RBBP4: variants seen among roughly 807,000 people sequenced by gnomAD.
RBBP4 encodes RB binding protein 4, chromatin remodeling factor, also known as histone-binding protein RBBP4.
In RBBP4, 3 loss-of-function variants were observed where a neutral mutation model predicts 57.2. The observed-to-expected ratio is 0.05, with a 90% CI of 0.02 to 0.14. The LOEUF is 0.14. Among genes scored for constraint, RBBP4 ranks in the 10% least tolerant of loss-of-function variants. The pLI, the probability that RBBP4 is intolerant of heterozygous loss-of-function variation, is 1.00. For missense variants in RBBP4, 107 were observed against 520.6 expected (o/e 0.21, Z 7.73); for synonymous variants, 151 against 171.5 (o/e 0.88, Z 0.93).
chr1:32,671,084 C>A (rs1485749029), intron 8 of RBBP4, among the ~76,000 whole-genome samples: 1 of 152,136 alleles, frequency 6.6e-6, no homozygotes, highest in African/African-American at 2.4e-5. Flanking sequence ...GTAGCAAACT[C>A]TGATTGTTGG....
At chr1:32,666,778 G>A (rs1301266923) in intron 3 of RBBP4, among the ~76,000 whole-genome samples, 1 of 152,130 alleles carries the variant, frequency 6.6e-6, no homozygotes, top group Non-Finnish European at 1.5e-5. Context: ...AATAAGAATA[G>A]TTAAAATACA....
At chr1:32,653,860 G>A (rs1648019469) in intron 2 of RBBP4, among the ~76,000 whole-genome samples, 1 of 151,488 alleles carries the variant, frequency 6.6e-6, no homozygotes, top group Non-Finnish European at 1.5e-5. Flanking sequence ...GGGTTTCACC[G>A]TGTTAGCCAG....
Position 32,669,621 on chromosome 1 carries a change from T to A in RBBP4, c.966+58T>A, listed in dbSNP as rs1648786060. 1.7e-5 allele frequency: 26 copies of A among 1,559,226 alleles called. 1 individual carries two copies. In the South Asian group the frequency reaches 3.0e-4, roughly 18 times the overall value. On this transcript the variant is annotated intron_variant, in intron 8 of 11. Transcript: ENST00000373493. This position sits in a 1 kb window ranked among gnomAD's most constrained non-coding sequence, Gnocchi z 4.9. Reference sequence around the variant, plus strand: ...TTTAAGAAAAACCTGCTGGGCGCGGTCGCTCACGCCTGTAATCCCAGCACT... The same window carrying A: ...TTTAAGAAAAACCTGCTGGGCGCGGACGCTCACGCCTGTAATCCCAGCACT...
At chr1:32,668,586 G>A (rs571218646) in intron 4 of RBBP4, 153 bp from the exon 5 acceptor site, 5 of 836,012 alleles carry the variant, frequency 6.0e-6, no homozygotes, top group South Asian at 3.6e-5. Context: ...CAAAATACTG[G>A]TGCTGTTTAA....
At chr1:32,659,129 A>G (rs966285101) in intron 3 of RBBP4, among the ~76,000 whole-genome samples, 1 of 147,694 alleles carries the variant, frequency 6.8e-6, no homozygotes, top group Non-Finnish European at 1.5e-5. Context: ...TTATATATAC[A>G]TATAAATTTT....
chr1:32,675,921 T>C (rs758132227), intron 11 of RBBP4, among the ~76,000 whole-genome samples: 1 of 150,184 alleles, frequency 6.7e-6, no homozygotes, highest in Non-Finnish European at 1.5e-5. Flanking sequence ...TGAGACCGTG[T>C]CTCTACCAAA....
intron 2 of RBBP4, among the ~76,000 whole-genome samples, chr1:32,653,255 C>CA (rs1478010919): frequency 6.6e-6 from 1 of 151,610 alleles, no homozygotes; most frequent in Non-Finnish European, 1.5e-5. Context: ...AATGACAATG[C>CA]AAAAAACAAA....
chr1:32,658,611 A>G (rs1347961446), intron 3 of RBBP4, among the ~76,000 whole-genome samples: 3 of 150,248 alleles, frequency 2.0e-5, no homozygotes, highest in Non-Finnish European at 4.4e-5. Flanking sequence ...CAGTGGCGCG[A>G]TCTCAGTTCA....
In RBBP4 at chr1:32,653,645, T is replaced by TGG. The variant is rs1462880012; in HGVS notation, c.164+1584_164+1585insGG. Among the ~76,000 whole-genome samples the TGG allele has an allele frequency of 1.8e-3, 72 of 41,054 alleles. No homozygotes were observed. The East Asian group carries it at 0.039, about 23-fold the overall frequency. 26.9% of individuals were successfully genotyped at this position (41,054 alleles called of 152,430 possible). ...GTGTTTTTTGTTTTCTGGTTTTTTT[T>TGG]TTTTTTTTTTTTTTGTTTTTGTTTT... On this transcript the variant is annotated intron_variant, in intron 2 of 11. Transcript: ENST00000373493.
At chr1:32,666,400 C>T (rs1648647964) in intron 3 of RBBP4, among the ~76,000 whole-genome samples, 1 of 151,858 alleles carries the variant, frequency 6.6e-6, no homozygotes, top group Non-Finnish European at 1.5e-5. Flanking sequence ...GCTCTGTGAC[C>T]CAGGCTGGAG....
At chr1:32,674,994 C>T (rs1269432558) in intron 11 of RBBP4, among the ~76,000 whole-genome samples, 3 of 151,968 alleles carry the variant, frequency 2.0e-5, no homozygotes, top group East Asian at 3.9e-4. Context: ...TCTTTGGCCT[C>T]CCAAAGTACT....
intron 2 of RBBP4, among the ~76,000 whole-genome samples, chr1:32,654,336 C>T (rs1238327696): frequency 6.6e-6 from 1 of 152,162 alleles, no homozygotes; most frequent in East Asian, 1.9e-4. Context: ...TGTGATCCTG[C>T]TACTGCACTC....
chr1:32,651,520 A>G, intron 1 of RBBP4, 198 bp downstream of exon 1: 2 of 1,333,078 alleles, frequency 1.5e-6, no homozygotes, highest in South Asian at 2.2e-5. Context: ...CAGCTGGCGA[A>G]GCCAGCGGTG....
chr1:32,683,533 A>G lies in RBBP4; in HGVS notation c.*3828A>G, dbSNP rs1182874420. The stretch of plus-strand genomic sequence containing the variant: ...CATATTTTGAGTCCTACTAGAAACA[A>G]ACATTCCAAATGAACTCTGAATGCC... On this transcript the variant is annotated 3_prime_UTR_variant, in exon 12 of 12. Transcript: ENST00000373493. The G allele has an allele frequency of 6.5e-6, 1 of 153,090 alleles. No individual in the cohort carries two copies. The highest frequency in any genetic ancestry group is 2.4e-5 in the African/African-American group (1 of 41,450). The allele number at this position is 153,090 out of a possible 1,614,324, so 9.5% of individuals were successfully genotyped here. A position where few individuals can be genotyped will look rare whatever the true frequency, so the allele number is the denominator to read the frequency against.
At chr1:32,663,092 G>T (rs981102363) in intron 3 of RBBP4, among the ~76,000 whole-genome samples, 1 of 152,098 alleles carries the variant, frequency 6.6e-6, no homozygotes, top group African/African-American at 2.4e-5. Context: ...ATTCTTAGTT[G>T]TAAGGTTCAT....
chr1:32,659,431 G>T (rs1233781018), intron 3 of RBBP4, among the ~76,000 whole-genome samples: 1 of 151,382 alleles, frequency 6.6e-6, no homozygotes, highest in African/African-American at 2.4e-5. Flanking sequence ...GCAGTGGCAC[G>T]CACCTGTAAT....
At chr1:32,666,059 G>T (rs1303670424) in intron 3 of RBBP4, among the ~76,000 whole-genome samples, 2 of 152,176 alleles carry the variant, frequency 1.3e-5, no homozygotes, top group African/African-American at 2.4e-5. Flanking sequence ...TTTTCATCTA[G>T]TTGTTGCCTA....
At chr1:32,661,149 C>T (rs1216281321) in intron 3 of RBBP4, among the ~76,000 whole-genome samples, 1 of 152,138 alleles carries the variant, frequency 6.6e-6, no homozygotes, top group Non-Finnish European at 1.5e-5. Context: ...CATTGATGGA[C>T]ACTTGGGTTG....
intron 2 of RBBP4, among the ~76,000 whole-genome samples, chr1:32,654,839 A>ACCCG (rs1216503229): frequency 6.6e-6 from 1 of 151,904 alleles, no homozygotes; most frequent in Non-Finnish European, 1.5e-5. Flanking sequence ...GATTACAGGC[A>ACCCG]CCCGCCACCA....
Sources: allele counts gnomAD v4.1 joint callset (sites outside exome capture counted in the v4.1 genomes callset), GRCh38; gene constraint gnomAD v4.1.1; non-coding constraint Gnocchi (gnomAD v3.1); transcripts MANE v1.5; gene names NCBI Gene and HGNC (gene_info 2026-07-23, HGNC 2026-07-21).